NRXN1: variants seen among roughly 807,000 people sequenced by gnomAD.
NRXN1 encodes neurexin-1.
NRXN1 carries 39 observed loss-of-function variants against 150.9 expected under a neutral mutation model. The observed-to-expected ratio is 0.26, with a 90% CI of 0.20 to 0.34. The LOEUF (loss-of-function observed/expected upper bound fraction) is 0.34, where lower values mean the gene tolerates loss of function less well. Ranked by LOEUF, NRXN1 falls within the 10% of genes least tolerant of loss-of-function variation. The pLI is 1.00. For synonymous variants in NRXN1, 924 were observed against 757.0 expected (o/e 1.22, Z -3.62); for missense variants, 1,815 against 1,949.9 (o/e 0.93, Z 1.30).
chr2:50,612,186 C>T (rs1286179760), intron 8 of NRXN1, among the ~76,000 whole-genome samples: 1 of 152,082 alleles, frequency 6.6e-6, no homozygotes, highest in Non-Finnish European at 1.5e-5. Context: ...TTCACTTTTC[C>T]TATCTCCATG....
chr2:50,850,026 T>C (rs1674277592), intron 5 of NRXN1, among the ~76,000 whole-genome samples: 1 of 151,804 alleles, frequency 6.6e-6, no homozygotes, highest in African/African-American at 2.4e-5. Context: ...GGCAACAAAG[T>C]GAGACCTCAC....
intron 18 of NRXN1, among the ~76,000 whole-genome samples, chr2:50,159,672 C>A (rs956154209): frequency 2.6e-5 from 4 of 152,094 alleles, no homozygotes; most frequent in Non-Finnish European, 5.9e-5. Context: ...AAAGATGCAA[C>A]CTTGTCTTTC....
chr2:50,309,278 G>A (rs1255898169), intron 17 of NRXN1, among the ~76,000 whole-genome samples: 1 of 152,140 alleles, frequency 6.6e-6, no homozygotes, highest in Admixed American at 6.5e-5. Context: ...AAACATCAAT[G>A]TCTTCAAAAC....
At chr2:50,316,720 A>C (rs1015420051) in intron 17 of NRXN1, among the ~76,000 whole-genome samples, 2 of 152,066 alleles carry the variant, frequency 1.3e-5, no homozygotes, top group East Asian at 1.9e-4. Flanking sequence ...GTTCTGCTAT[A>C]AAGGTCACTT....
chr2:50,714,752 G>C (rs1054455862), intron 5 of NRXN1, among the ~76,000 whole-genome samples: 1 of 152,066 alleles, frequency 6.6e-6, no homozygotes, highest in African/African-American at 2.4e-5. Flanking sequence ...TTGGAAACAG[G>C]CTGCAATTGT....
At chr2:50,562,149 T>C (rs1027470804) in intron 8 of NRXN1, among the ~76,000 whole-genome samples, 4 of 152,148 alleles carry the variant, frequency 2.6e-5, no homozygotes, top group Non-Finnish European at 2.9e-5. Flanking sequence ...ATGATGTGTC[T>C]AGATTAATCA....
chr2:50,563,036 T>C (rs963866889), intron 8 of NRXN1, among the ~76,000 whole-genome samples: 4 of 152,162 alleles, frequency 2.6e-5, no homozygotes, highest in African/African-American at 9.7e-5. Flanking sequence ...CCAAAAGATA[T>C]AATCAGTTTA....
intron 5 of NRXN1, among the ~76,000 whole-genome samples, chr2:50,909,936 A>G (rs1465448547): frequency 6.6e-6 from 1 of 152,016 alleles, no homozygotes; most frequent in Non-Finnish European, 1.5e-5. Flanking sequence ...TAAAGAAAAC[A>G]TCTCACCTTT....
chr2:50,329,627 A>G (rs2681980), intron 17 of NRXN1, among the ~76,000 whole-genome samples: 815 of 5,608 alleles, frequency 0.15, 11 homozygotes, highest in East Asian at 0.32. Context: ...GTATATATAT[A>G]TATATATATA....
chr2:50,046,124 A>G (rs185659862), intron 21 of NRXN1, among the ~76,000 whole-genome samples: 1 of 152,248 alleles, frequency 6.6e-6, no homozygotes, highest in Non-Finnish European at 1.5e-5. Flanking sequence ...AGTCAACAAT[A>G]ATTTGAAGTT....
At chr2:50,828,394 G>C (rs185695057) in intron 5 of NRXN1, among the ~76,000 whole-genome samples, 12,625 of 150,970 alleles carry the variant, frequency 0.084, 629 homozygotes, top group Admixed American at 0.087. Context: ...CTCCCAGACG[G>C]GGTGGCTGCC....
chr2:50,206,899 CACACACAT>C (rs1024648121), intron 18 of NRXN1, among the ~76,000 whole-genome samples: 2 of 151,074 alleles, frequency 1.3e-5, no homozygotes, highest in African/African-American at 4.9e-5. Flanking sequence ...CACACACACA[CACACACAT>C]ACATATACAC....
intron 18 of NRXN1, among the ~76,000 whole-genome samples, chr2:50,204,178 C>T (rs571967058): frequency 1.2e-3 from 187 of 152,014 alleles, no homozygotes; most frequent in African/African-American, 4.3e-3. Flanking sequence ...AAAAGCAGCA[C>T]TCAAATTGTA....
At chr2:50,879,191 G>C (rs1679061443) in intron 5 of NRXN1, among the ~76,000 whole-genome samples, 2 of 151,818 alleles carry the variant, frequency 1.3e-5, no homozygotes, top group Admixed American at 6.6e-5. Context: ...CTTCTAGACT[G>C]CAATATAGAA....
intron 5 of NRXN1, among the ~76,000 whole-genome samples, chr2:50,735,175 C>A (rs1412510150): frequency 4.6e-5 from 7 of 152,020 alleles, no homozygotes; most frequent in Non-Finnish European, 1.0e-4. Context: ...TAAAAATTCA[C>A]AAGTAGAAAG....
intron 2 of NRXN1, among the ~76,000 whole-genome samples, chr2:50,932,622 G>GT (rs1687925265): frequency 6.6e-6 from 1 of 151,908 alleles, no homozygotes; most frequent in African/African-American, 2.4e-5. Context: ...TACACATTAG[G>GT]TACAGTGTAC....
At chr2:50,575,836 C>A (rs1671362942) in intron 8 of NRXN1, among the ~76,000 whole-genome samples, 1 of 152,250 alleles carries the variant, frequency 6.6e-6, no homozygotes, top group South Asian at 2.1e-4. Flanking sequence ...TATTTCATCA[C>A]AACTTTTTCT....
At position 51,028,506 on chromosome 2, in the gene NRXN1, C is replaced by T. The variant is rs1670996894; in HGVS notation, c.-233G>A. 2.4e-6 allele frequency: 1 copy of T among 408,840 alleles called. No homozygotes were observed. The highest frequency in any genetic ancestry group is 1.0e-4 in the South Asian group (1 of 9,898). The allele number at this position is 408,840 out of a possible 1,614,324, so 25.3% of individuals were successfully genotyped here. On this transcript the variant is annotated 5_prime_UTR_variant, in exon 2 of 23. Coordinates refer to ENST00000401669, the MANE Select transcript of NRXN1 (RefSeq NM_001330078.2). ...CTGGAAAACGTTGACCCCAGTGGTA[C>T]AGGGTAGCCACAGAACTTCCAGACC...
intron 18 of NRXN1, among the ~76,000 whole-genome samples, chr2:50,114,183 A>T (rs532682041): frequency 5.9e-5 from 9 of 152,340 alleles, no homozygotes; most frequent in Admixed American, 5.2e-4. Context: ...AGAAAACAAG[A>T]TAGATTTAAA....
Sources: gnomAD v4.1 joint callset for allele counts (sites outside exome capture counted in the v4.1 genomes callset) on GRCh38, gnomAD v4.1.1 for gene constraint, MANE v1.5 for transcripts, NCBI Gene and HGNC (gene_info 2026-07-23, HGNC 2026-07-21) for gene names.